ADGRL3: variants seen among roughly 807,000 people sequenced by gnomAD.
The protein encoded by ADGRL3 is calcium-independent alpha-latrotoxin receptor 3.
ADGRL3 carries 62 observed loss-of-function variants against 153.5 expected under a neutral mutation model. The ratio of observed to expected loss-of-function variants is 0.40; its 90% CI spans 0.33 to 0.50. ADGRL3 has a LOEUF of 0.50. ADGRL3 is among the 20% of genes least tolerant of loss of function. The pLI, the probability that ADGRL3 is intolerant of heterozygous loss-of-function variation, is 0.47. For synonymous variants in ADGRL3, 710 were observed against 672.5 expected, an observed-to-expected ratio of 1.06 and a Z score of -0.86; for missense variants, 1,641 against 1,859.4, an observed-to-expected ratio of 0.88 and a Z score of 2.16.
chr4:61,488,621 G>T (rs535956470), intron 2 of ADGRL3, among the ~76,000 whole-genome samples: 6 of 151,864 alleles, frequency 4.0e-5, no homozygotes, highest in African/African-American at 1.4e-4. Context: ...TGTATCTTCC[G>T]TGCCCATCCT....
chr4:61,316,508 T>C (rs80034630), intron 1 of ADGRL3, among the ~76,000 whole-genome samples: 2,296 of 152,314 alleles, frequency 0.015, 69 homozygotes, highest in African/African-American at 0.053. Context: ...CCTAATACTT[T>C]CTTGTGAATT....
chr4:61,307,945 T>C (rs2094854649), intron 1 of ADGRL3, among the ~76,000 whole-genome samples: 1 of 152,190 alleles, frequency 6.6e-6, no homozygotes, highest in Non-Finnish European at 1.5e-5. Context: ...AAGACTGATT[T>C]TAAAAACGCT....
At chr4:61,741,599 C>A (rs1386355956) in intron 8 of ADGRL3, among the ~76,000 whole-genome samples, 1 of 152,196 alleles carries the variant, frequency 6.6e-6, no homozygotes, top group African/African-American at 2.4e-5. Context: ...TTCACAGCAG[C>A]TGAATTTTCT....
At chr4:61,701,430 ATTTTTTTTTTT>A (rs71664995) in intron 6 of ADGRL3, among the ~76,000 whole-genome samples, 1 of 105,418 alleles carries the variant, frequency 9.5e-6, no homozygotes, top group African/African-American at 3.8e-5. Context: ...TAAAGGTACA[ATTTTTTTTTTT>A]TTTTTTTTTT....
At chr4:62,040,996 G>A (rs1188285053) in intron 24 of ADGRL3, among the ~76,000 whole-genome samples, 1 of 151,986 alleles carries the variant, frequency 6.6e-6, no homozygotes, top group Non-Finnish European at 1.5e-5. Flanking sequence ...GGCCAAAGTA[G>A]GTTAGAGGGA....
intron 1 of ADGRL3, among the ~76,000 whole-genome samples, chr4:61,234,291 A>G (rs1751938967): frequency 6.6e-6 from 1 of 152,296 alleles, no homozygotes; most frequent in East Asian, 1.9e-4. Flanking sequence ...GCAAGATAAA[A>G]TGAGAAATAA....
intron 5 of ADGRL3, among the ~76,000 whole-genome samples, chr4:61,604,988 G>C (rs1464075505): frequency 6.7e-6 from 1 of 149,772 alleles, no homozygotes; most frequent in Non-Finnish European, 1.5e-5. Flanking sequence ...TACTTGGGAG[G>C]CTAAGGCAGG....
At chr4:61,759,005 G>T (rs1410789905) in intron 8 of ADGRL3, among the ~76,000 whole-genome samples, 1 of 151,966 alleles carries the variant, frequency 6.6e-6, no homozygotes, top group African/African-American at 2.4e-5. Context: ...TTGAATATTG[G>T]CCCCCACTGT....
At chr4:61,648,590 C>A (rs1384212841) in intron 5 of ADGRL3, among the ~76,000 whole-genome samples, 1 of 149,498 alleles carries the variant, frequency 6.7e-6, no homozygotes, top group African/African-American at 2.5e-5. Context: ...GCTGAGTAAT[C>A]CTCTTTTTAA....
At chr4:61,947,209 G>A (rs1430609335) in intron 16 of ADGRL3, 87 bp downstream of exon 16, 1 of 1,094,742 alleles carries the variant, frequency 9.1e-7, no homozygotes, top group Admixed American at 2.4e-5. Flanking sequence ...TTCTTTTAAT[G>A]TTTTTTCTAT....
intron 1 of ADGRL3, among the ~76,000 whole-genome samples, chr4:61,322,253 G>A (rs1397862442): frequency 2.0e-5 from 3 of 152,110 alleles, no homozygotes; most frequent in East Asian, 1.9e-4. Flanking sequence ...ATCTCCCAAC[G>A]GGTCCCTGCC....
At chr4:61,528,022 T>C (rs1433439118) in intron 4 of ADGRL3, among the ~76,000 whole-genome samples, 1 of 152,114 alleles carries the variant, frequency 6.6e-6, no homozygotes, top group Non-Finnish European at 1.5e-5. Context: ...GCACTTGGGG[T>C]GTGAAGCAGT....
chr4:61,300,092 T>C (rs1427972508), intron 1 of ADGRL3, among the ~76,000 whole-genome samples: 1 of 152,202 alleles, frequency 6.6e-6, no homozygotes, highest in Non-Finnish European at 1.5e-5. Context: ...ATTTTACTTA[T>C]TGAGATGATT....
At chr4:61,811,424 A>G (rs1367901214) in intron 8 of ADGRL3, among the ~76,000 whole-genome samples, 1 of 152,152 alleles carries the variant, frequency 6.6e-6, no homozygotes, top group Non-Finnish European at 1.5e-5. Context: ...GGAAAAGTCC[A>G]GAATAGGCAA....
intron 4 of ADGRL3, among the ~76,000 whole-genome samples, chr4:61,571,594 C>G (rs2098839239): frequency 6.6e-6 from 1 of 152,054 alleles, no homozygotes; most frequent in African/African-American, 2.4e-5. Context: ...TATTAGATAC[C>G]TGTGTCTACT....
intron 1 of ADGRL3, among the ~76,000 whole-genome samples, chr4:61,302,274 A>G (rs1578187450): frequency 6.6e-6 from 1 of 152,220 alleles, no homozygotes; most frequent in South Asian, 2.1e-4. Flanking sequence ...GGGGAACAAT[A>G]AGACGAGACC....
chr4:61,336,406 T>C (rs2095675136), intron 1 of ADGRL3, among the ~76,000 whole-genome samples: 1 of 152,168 alleles, frequency 6.6e-6, no homozygotes, highest in South Asian at 2.1e-4. Flanking sequence ...GTGGGAGTCA[T>C]GCAGTCCTGG....
At chr4:61,517,225 A>G (rs335311) in intron 3 of ADGRL3, 90 bp from the exon 4 acceptor site, 490,861 of 658,290 alleles carry the variant, frequency 0.75, 184,913 homozygotes, top group East Asian at 0.94. Context: ...GGCGGCAGAG[A>G]GCAGCCTTGG....
intron 13 of ADGRL3, among the ~76,000 whole-genome samples, chr4:61,925,895 A>G (rs1021639823): frequency 1.2e-4 from 18 of 152,316 alleles, no homozygotes; most frequent in Admixed American, 2.6e-4. Context: ...GATGCCATAC[A>G]ATTATAGTCA....
Sources: allele counts gnomAD v4.1 joint callset (sites outside exome capture counted in the v4.1 genomes callset), GRCh38; gene constraint gnomAD v4.1.1; transcripts MANE v1.5; gene names NCBI Gene and HGNC (gene_info 2026-07-23, HGNC 2026-07-21).